The following ATP5IF1 variants were observed in gnomAD, a reference collection of about 807,000 sequenced individuals.
ATP5IF1 encodes ATPase inhibitor, mitochondrial.
A neutral mutation model predicts 8.5 loss-of-function variants in ATP5IF1; 12 were observed. The ratio of observed to expected loss-of-function variants is 1.41; its 90% confidence interval spans 0.90 to 2.28. The LOEUF (loss-of-function observed/expected upper bound fraction) is 2.28. ATP5IF1 is among the 30% of genes most tolerant of loss of function. ATP5IF1 has a pLI of 0.00. For synonymous variants in ATP5IF1, 51 were observed against 53.4 expected, an observed-to-expected ratio of 0.96 and a Z score of 0.19; for missense variants, 154 against 140.2, an observed-to-expected ratio of 1.10 and a Z score of -0.50.
chr1:28,236,915 TTCAGGCTTC>T, intron 2 of ATP5IF1: 2 of 1,096,482 alleles, frequency 1.8e-6, no homozygotes, highest in Non-Finnish European at 2.2e-6. Context: ...CCTGCATGCA[TTCAGGCTTC>T]TCAGGTGTTT....
Position 28,236,188 on chromosome 1 carries a change from C to T in ATP5IF1, c.5C>T (p.Ala2Val). 1 of 1,613,250 alleles carries T rather than the reference C, an allele frequency of 6.2e-7. No homozygotes were observed. The highest frequency in any genetic ancestry group is 8.5e-7 in the Non-Finnish European group (1 of 1,179,950). M[A>V]VTALAARTWL... ...AGAGGTGCAGCTCCAGCAGCAATGG[C>T]AGTGACGGCGTTGGCGGCGCGGACG... is the stretch of plus-strand genomic sequence containing the variant. Residue 2 changes from alanine to valine, a missense_variant, in exon 1 of 3, where the codon GCA becomes GTA. Ala to Val is a moderately conservative substitution (Grantham distance 64, BLOSUM62 0). Coordinates refer to ENST00000335514, the MANE Select transcript of ATP5IF1 (RefSeq NM_016311.5).
At position 28,237,876 on chromosome 1, in the gene ATP5IF1, C is replaced by G. The variant is rs879748592; in HGVS notation, c.219C>G (p.His73Gln). 4 of 1,613,994 alleles carry G rather than the reference C, an allele frequency of 2.5e-6. No individual in the cohort carries two copies. The highest frequency in any genetic ancestry group is 3.4e-6 in the Non-Finnish European group (4 of 1,180,020). ...AACAACTGGCAGCTTTGAAAAAACACCATGAAGAAGAAATCGTTCATCATA... is the reference window on the plus strand; with the variant it reads ...AACAACTGGCAGCTTTGAAAAAACAGCATGAAGAAGAAATCGTTCATCATA... Reference protein sequence around the residue: ...SREQLAALKKHHEEEIVHHKK... With the variant: ...SREQLAALKKQHEEEIVHHKK... The change falls in exon 3 of 3, where the codon CAC (histidine) becomes CAG (glutamine). Residue 73 changes from histidine to glutamine, a missense_variant. Coordinates refer to ENST00000335514, the MANE Select transcript of ATP5IF1 (RefSeq NM_016311.5).
In ATP5IF1 at chr1:28,236,156, A is replaced by AGACGCCAGAGGTGCAGCTCCAGC; in HGVS notation, c.-27_-5dup. On this transcript the variant is annotated 5_prime_UTR_variant, in exon 1 of 3. Coordinates refer to ENST00000335514, the MANE Select transcript of ATP5IF1 (RefSeq NM_016311.5). ...AACGAGAGACTGCTTGCTGCGGCAG[A>AGACGCCAGAGGTGCAGCTCCAGC]GACGCCAGAGGTGCAGCTCCAGCAG... The AGACGCCAGAGGTGCAGCTCCAGC allele has an allele frequency of 6.2e-7, 1 of 1,609,616 alleles. No homozygotes were observed. Among genetic ancestry groups the AGACGCCAGAGGTGCAGCTCCAGC allele is most frequent in the Non-Finnish European group, 8.5e-7 (1 of 1,179,718 alleles).
intron 2 of ATP5IF1, chr1:28,236,709 G>A (rs1423405261): frequency 7.1e-7 from 1 of 1,408,038 alleles, no homozygotes; most frequent in Non-Finnish European, 9.3e-7. Context: ...ACAACCCACG[G>A]CTCAACTCCT....
chr1:28,237,386 A>G, intron 2 of ATP5IF1: 3 of 1,067,856 alleles, frequency 2.8e-6, no homozygotes, highest in Non-Finnish European at 3.4e-6. Flanking sequence ...CTGCGCATGC[A>G]AGAGACCCTT....
chr1:28,236,209 G>T lies in ATP5IF1; in HGVS notation c.26G>T (p.Arg9Leu). 6.2e-7 allele frequency: 1 copy of T among 1,613,746 alleles called. No individual in the cohort carries two copies. Among genetic ancestry groups the T allele is most frequent in the Non-Finnish European group, 8.5e-7 (1 of 1,179,980 alleles). The change falls in exon 1 of 3, where the codon CGG becomes CTG. Residue 9 changes from arginine (R) to leucine (L), a missense_variant. Transcript: ENST00000335514. ...ATGGCAGTGACGGCGTTGGCGGCGCGGACGTGGCTTGGCGTGTGGGGCGTG... is the reference window on the plus strand; with the variant it reads ...ATGGCAGTGACGGCGTTGGCGGCGCTGACGTGGCTTGGCGTGTGGGGCGTG... Reference protein sequence around the residue: MAVTALAARTWLGVWGVRT... With the variant: MAVTALAALTWLGVWGVRT...
intron 2 of ATP5IF1, chr1:28,237,233 G>GTATA: frequency 1.0e-6 from 1 of 994,282 alleles, no homozygotes; most frequent in Non-Finnish European, 1.2e-6. Context: ...CTGCCATACC[G>GTATA]TATAGAGAGC....
At chr1:28,236,476 C>G (rs763678231) in intron 2 of ATP5IF1, 24 bp downstream of exon 2, 4 of 1,614,068 alleles carry the variant, frequency 2.5e-6, no homozygotes, top group Non-Finnish European at 3.4e-6. Flanking sequence ...GGTCCCAAGT[C>G]CAGCCCTGGA....
At position 28,236,154 on chromosome 1, in the gene ATP5IF1, A is replaced by G. The variant is rs775445782; in HGVS notation, c.-30A>G. 12 of 1,609,212 alleles carry G rather than the reference A, an allele frequency of 7.5e-6. No homozygotes were observed. Among genetic ancestry groups the G allele is most frequent in the Middle Eastern group, 1.7e-4 (1 of 6,038 alleles). ...GTAACGAGAGACTGCTTGCTGCGGC[A>G]GAGACGCCAGAGGTGCAGCTCCAGC... On this transcript the variant is annotated 5_prime_UTR_variant, in exon 1 of 3. Coordinates refer to ENST00000335514, the MANE Select transcript of ATP5IF1 (RefSeq NM_016311.5).
chr1:28,236,232 G>A lies in ATP5IF1; in HGVS notation c.49G>A (p.Val17Met). The change falls in exon 1 of 3, where the codon GTG becomes ATG. Residue 17 changes from valine to methionine, a missense_variant. Coordinates refer to ENST00000335514, the MANE Select transcript of ATP5IF1 (RefSeq NM_016311.5). Reference protein sequence around the residue: ...AARTWLGVWGVRTMQARGFGS... With the variant: ...AARTWLGVWGMRTMQARGFGS... Reference sequence around the variant, plus strand: ...GCGGACGTGGCTTGGCGTGTGGGGCGTGAGGACCATGCAAGCCCGAGGCTT... The same window carrying A: ...GCGGACGTGGCTTGGCGTGTGGGGCATGAGGACCATGCAAGCCCGAGGCTT... The A allele has an allele frequency of 4.3e-6, 7 of 1,613,924 alleles. No homozygotes were observed. The highest frequency in any genetic ancestry group is 5.9e-6 in the Non-Finnish European group (7 of 1,179,988).
At chr1:28,236,477 C>T in intron 2 of ATP5IF1, 25 bp downstream of exon 2, 2 of 1,614,092 alleles carry the variant, frequency 1.2e-6, no homozygotes, top group Non-Finnish European at 1.7e-6. Flanking sequence ...GTCCCAAGTC[C>T]AGCCCTGGAT....
chr1:28,238,015 G>T lies in ATP5IF1; in HGVS notation c.*37G>T. ...GTGCCATAGAATGGCACATGTCATT[G>T]CCCACTTCTGTGTAGACATGGTTCT... On this transcript the variant is annotated 3_prime_UTR_variant, in exon 3 of 3. Coordinates refer to ENST00000335514, the MANE Select transcript of ATP5IF1 (RefSeq NM_016311.5). The T allele has an allele frequency of 6.3e-7, 1 of 1,581,626 alleles. No homozygotes were observed.
intron 2 of ATP5IF1, chr1:28,236,930 T>A (rs1647042604): frequency 3.7e-6 from 4 of 1,080,710 alleles, no homozygotes; most frequent in Non-Finnish European, 4.5e-6. Flanking sequence ...GCTTCTCAGG[T>A]GTTTCTAGAC....
intron 2 of ATP5IF1, chr1:28,237,446 G>T: frequency 8.2e-7 from 1 of 1,220,328 alleles, no homozygotes; most frequent in Non-Finnish European, 1.0e-6. Context: ...GAAAGCTCTA[G>T]ACAGATTGGA....
chr1:28,238,069 C>A lies in ATP5IF1; in HGVS notation c.*91C>A. On this transcript the variant is annotated 3_prime_UTR_variant, in exon 3 of 3. Transcript: ENST00000335514. ...TTAACTAATATTTGTCTGTGTGCTA[C>A]TAACAGATTATAATAAATTGTCATC... The A allele has an allele frequency of 7.8e-7, 1 of 1,286,434 alleles. No individual in the cohort carries two copies. Among genetic ancestry groups the A allele is most frequent in the Non-Finnish European group, 1.1e-6 (1 of 936,762 alleles). The allele number at this position is 1,286,434 out of a possible 1,614,324, so 79.7% of individuals were successfully genotyped here. A position where few individuals can be genotyped will look rare whatever the true frequency, so the allele number is the denominator to read the frequency against.
chr1:28,236,430 G>C lies in ATP5IF1; in HGVS notation c.157G>C (p.Ala53Pro). Reference sequence around the variant, plus strand: ...TGGGGCCTTCGGAAAGAGAGAGCAGGCTGAAGAGGAACGATATTTCCGGTG... The same window carrying C: ...TGGGGCCTTCGGAAAGAGAGAGCAGCCTGAAGAGGAACGATATTTCCGGTG... ...AGGAFGKREQ[A>P]EEERYFRAQS... Residue 53 changes from alanine (A) to proline (P), a missense_variant, in exon 2 of 3, where the codon GCT becomes CCT. Transcript: ENST00000335514. 6.2e-7 allele frequency: 1 copy of C among 1,614,220 alleles called. No homozygotes were observed. The highest frequency in any genetic ancestry group is 1.1e-5 in the South Asian group (1 of 91,084).
At chr1:28,236,578 G>C in intron 2 of ATP5IF1, 126 bp downstream of exon 2, 1 of 1,547,138 alleles carries the variant, frequency 6.5e-7, no homozygotes, top group East Asian at 2.4e-5. Context: ...CAGAACTCCC[G>C]GGCCCCAATC....
rs2149029037 is a variant in ATP5IF1 at position 28,237,879 on chromosome 1, T to C, written c.222T>C (p.His74=). Reference sequence around the variant, plus strand: ...AACTGGCAGCTTTGAAAAAACACCATGAAGAAGAAATCGTTCATCATAAGA... The same window carrying C: ...AACTGGCAGCTTTGAAAAAACACCACGAAGAAGAAATCGTTCATCATAAGA... ...REQLAALKKH[H]EEEIVHHKKE... The change falls in exon 3 of 3, where the codon CAT becomes CAC. Residue 74 remains histidine (H), a synonymous_variant. Transcript: ENST00000335514. 1 of 1,614,112 alleles carries C rather than the reference T, an allele frequency of 6.2e-7. No individual in the cohort carries two copies. Among genetic ancestry groups the C allele is most frequent in the Non-Finnish European group, 8.5e-7 (1 of 1,180,016 alleles).
At chr1:28,236,526 C>A (rs915645201) in intron 2 of ATP5IF1, 74 bp downstream of exon 2, 4 of 1,605,086 alleles carry the variant, frequency 2.5e-6, no homozygotes, top group East Asian at 2.2e-5. Context: ...GCCAATCGCC[C>A]CACCCGTTCC....
Sources: gnomAD v4.1 joint callset for allele counts on GRCh38, gnomAD v4.1.1 for gene constraint, MANE v1.5 for transcripts, NCBI Gene and HGNC (gene_info 2026-07-23, HGNC 2026-07-21) for gene names.